The following LSS variants were observed in gnomAD, a reference collection of about 807,000 sequenced individuals.
LSS encodes 2,3-epoxysqualene-lanosterol cyclase.
LSS carries 90 observed loss-of-function variants against 110.3 expected under a neutral mutation model. That is an observed-to-expected ratio of 0.82 (90% CI 0.69 to 0.97). LSS has a LOEUF of 0.97. LSS is among the 50% of genes least tolerant of loss of function. The pLI is 0.00. For missense variants in LSS, 927 were observed against 990.0 expected (o/e 0.94, Z 0.85); for synonymous variants, 433 against 400.0 (o/e 1.08, Z -0.98).
At chr21:46,195,628 G>A in intron 19 of LSS, 48 bp downstream of exon 19, 1 of 1,468,670 alleles carries the variant, frequency 6.8e-7, no homozygotes, top group Non-Finnish European at 9.5e-7. Context: ...TCATGACAGA[G>A]CATTGGGTTG....
rs1569031317 is a variant in LSS at position 46,215,309 on chromosome 21, C to G, written c.893-11G>C. ...ACAGGTTGAGGAGCGCTACAGGGGA[C>G]AGGGGTCAGTGGATGCCAGACACCA... is the stretch of plus-strand genomic sequence containing the variant. On this transcript the variant is annotated splice_polypyrimidine_tract_variant and intron_variant, in intron 8 of 21. Transcript: ENST00000397728. The G allele has an allele frequency of 1.5e-5, 23 of 1,579,322 alleles. No individual in the cohort carries two copies. The highest frequency in any genetic ancestry group is 1.8e-5 in the Non-Finnish European group (21 of 1,156,636).
chr21:46,223,846 G>A (rs1469513542), intron 3 of LSS, among the ~76,000 whole-genome samples: 3 of 152,176 alleles, frequency 2.0e-5, no homozygotes, highest in Non-Finnish European at 4.4e-5. Flanking sequence ...CTGGGAAGAC[G>A]CCCGTTGCCG....
chr21:46,213,148 G>T (rs1006679992), intron 10 of LSS, 96 bp from the exon 11 acceptor site: 6 of 1,206,640 alleles, frequency 5.0e-6, no homozygotes, highest in East Asian at 4.8e-5. Flanking sequence ...CAGAGAGGCC[G>T]TCTGTCCCCT....
intron 4 of LSS, chr21:46,222,423 A>C: frequency 1.7e-6 from 1 of 578,384 alleles, no homozygotes; most frequent in Non-Finnish European, 3.1e-6. Flanking sequence ...CAGCCACAAA[A>C]TCCATTTAAC....
chr21:46,197,754 TG>T (rs1479851069), intron 17 of LSS, among the ~76,000 whole-genome samples: 1 of 151,988 alleles, frequency 6.6e-6, no homozygotes, highest in Non-Finnish European at 1.5e-5. Flanking sequence ...CTGGGCATGA[TG>T]ACAGGCGCCT....
At chr21:46,221,485 T>G (rs2080278780) in intron 5 of LSS, among the ~76,000 whole-genome samples, 1 of 152,124 alleles carries the variant, frequency 6.6e-6, no homozygotes, top group African/African-American at 2.4e-5. Flanking sequence ...AGCCTCCAAG[T>G]AGCTGAGACT....
At chr21:46,224,716 C>G (rs2123763795) in intron 3 of LSS, 1 of 152,350 alleles carries the variant, frequency 6.6e-6, no homozygotes, top group East Asian at 1.9e-4. Flanking sequence ...TCAGTGTTCA[C>G]CAGAGTGCTG....
In LSS at chr21:46,213,019, C is replaced by G. The variant is rs1438773611; in HGVS notation, c.1137+6G>C. On this transcript the variant is annotated splice_donor_region_variant and intron_variant, in intron 11 of 21. Transcript: ENST00000397728. ...AAGCATGCAGCCGCAGTCCCGCAGC[C>G]CTTACCTGCATTTTCATGCCGTCAA... The G allele has an allele frequency of 6.2e-7, 1 of 1,614,000 alleles. No individual in the cohort carries two copies. Among genetic ancestry groups the G allele is most frequent in the Admixed American group, 1.7e-5 (1 of 60,018 alleles).
In LSS at chr21:46,189,391, G is replaced by C. The variant is rs1196343098; in HGVS notation, c.*1713C>G. Reference sequence around the variant, plus strand: ...CATGTGCAAACCTGACAGATGTCAAGGGTCCCAACACAGTTCCTTCAGCGA... The same window carrying C: ...CATGTGCAAACCTGACAGATGTCAACGGTCCCAACACAGTTCCTTCAGCGA... On this transcript the variant is annotated 3_prime_UTR_variant, in exon 22 of 22. Coordinates refer to ENST00000397728, the MANE Select transcript of LSS (RefSeq NM_002340.6). 1 of 299,910 alleles carries C rather than the reference G, an allele frequency of 3.3e-6. No individual in the cohort carries two copies. The highest frequency in any genetic ancestry group is 2.2e-5 in the African/African-American group (1 of 44,518). The allele number at this position is 299,910 out of a possible 1,614,324, so 18.6% of individuals were successfully genotyped here.
intron 3 of LSS, chr21:46,225,326 C>A: frequency 9.0e-6 from 4 of 445,596 alleles, no homozygotes; most frequent in South Asian, 4.7e-5. Context: ...CACTAGAGGG[C>A]TCCTTGGTCT....
chr21:46,215,720 T>C lies in LSS; in HGVS notation c.857A>G (p.Tyr286Cys), dbSNP rs987857709. 3.1e-6 allele frequency: 5 copies of C among 1,612,448 alleles called. No homozygotes were observed. The highest frequency in any genetic ancestry group is 3.4e-6 in the Non-Finnish European group (4 of 1,179,340). Residue 286 changes from tyrosine (Y) to cysteine (C), a missense_variant, in exon 8 of 22, where the codon TAC becomes TGC. Physicochemically the swap from Tyr to Cys is radical, Grantham distance 194. Transcript: ENST00000397728. ...QRNNVAPDEL[Y>C]TPHSWLLRVV... ...GCGGAGCAGCCAGCTGTGCGGCGTG[T>C]ACAGCTCGTCGGGGGCCACGTTGTT...
chr21:46,227,153 C>T (rs2080350437), intron 3 of LSS, among the ~76,000 whole-genome samples: 1 of 152,244 alleles, frequency 6.6e-6, no homozygotes, highest in African/African-American at 2.4e-5. Flanking sequence ...AGCTCTCCTG[C>T]AATAGCCCCG....
intron 17 of LSS, 131 bp downstream of exon 17, chr21:46,205,705 G>A (rs933118701): frequency 2.3e-5 from 15 of 657,842 alleles, no homozygotes; most frequent in African/African-American, 1.8e-4. Context: ...CACAACATCC[G>A]AAGCCTCTTG....
At chr21:46,194,434 C>A (rs1368381879) in intron 20 of LSS, 57 bp downstream of exon 20, 7 of 1,599,330 alleles carry the variant, frequency 4.4e-6, no homozygotes, top group South Asian at 1.1e-5. Flanking sequence ...CGGCTCACAG[C>A]TGAGTGTCCC....
At chr21:46,192,372 C>T (rs1271283165) in intron 20 of LSS, 1 of 414,012 alleles carries the variant, frequency 2.4e-6, no homozygotes, top group Non-Finnish European at 4.8e-6. Flanking sequence ...CTGTGGGTCC[C>T]TGACTGTCCT....
chr21:46,213,332 C>T (rs1393241269), intron 10 of LSS, among the ~76,000 whole-genome samples: 1 of 152,244 alleles, frequency 6.6e-6, no homozygotes, highest in East Asian at 1.9e-4. Context: ...CGCCCTCGTG[C>T]AGTGCTGAGG....
At chr21:46,197,831 GTGAGC>G (rs1286054928) in intron 17 of LSS, among the ~76,000 whole-genome samples, 1 of 151,872 alleles carries the variant, frequency 6.6e-6, no homozygotes, top group African/African-American at 2.4e-5. Context: ...AGAGCTTGCG[GTGAGC>G]TGAGATTGTG....
intron 4 of LSS, chr21:46,222,285 C>A (rs2080288650): frequency 1.9e-6 from 1 of 527,366 alleles, no homozygotes; most frequent in African/African-American, 1.9e-5. Flanking sequence ...AAAGTGTGTG[C>A]CACATGGCAG....
At chr21:46,199,371 G>A (rs2079950332) in intron 17 of LSS, among the ~76,000 whole-genome samples, 1 of 152,198 alleles carries the variant, frequency 6.6e-6, no homozygotes, top group South Asian at 2.1e-4. Flanking sequence ...AACAGCAAAT[G>A]CTGGTGAGGA....
Sources: allele counts gnomAD v4.1 joint callset (sites outside exome capture counted in the v4.1 genomes callset), GRCh38; gene constraint gnomAD v4.1.1; transcripts MANE v1.5; gene names NCBI Gene and HGNC (gene_info 2026-07-23, HGNC 2026-07-21).